Variants in TBCD observed in about 807,000 individuals in gnomAD.
TBCD encodes tubulin-specific chaperone D.
TBCD carries 105 observed loss-of-function variants against 169.3 expected under a neutral mutation model. The observed-to-expected ratio is 0.62, with a 90% confidence interval of 0.53 to 0.73. TBCD has a LOEUF of 0.73. Ranked by LOEUF, TBCD falls within the 30% of genes least tolerant of loss-of-function variation. The probability of loss-of-function intolerance (pLI) is 0.00; values close to 1 mark genes in which losing one functional copy is unlikely to be tolerated. For synonymous variants in TBCD, 700 were observed against 643.9 expected (o/e 1.09, Z -1.32); for missense variants, 1,444 against 1,600.1 (o/e 0.90, Z 1.66).
intron 7 of TBCD, among the ~76,000 whole-genome samples, chr17:82,792,415 C>T (rs553021281): frequency 6.6e-6 from 1 of 152,180 alleles, no homozygotes; most frequent in South Asian, 2.1e-4. Context: ...CTTTTATGGG[C>T]TCACTATCAA....
intron 6 of TBCD, among the ~76,000 whole-genome samples, chr17:82,773,218 TGCA>T (rs1274677251): frequency 6.6e-6 from 1 of 152,246 alleles, no homozygotes; most frequent in Non-Finnish European, 1.5e-5. Flanking sequence ...CAGTGCCTCA[TGCA>T]GCGTCACCTT....
intron 4 of TBCD, 62 bp downstream of exon 4, chr17:82,766,430 G>T (rs1200671737): frequency 1.7e-6 from 2 of 1,189,536 alleles, no homozygotes; most frequent in Non-Finnish European, 2.5e-6. Context: ...CTCCCTGCTT[G>T]CCCCACCCTG....
chr17:82,900,311 T>C (rs763077537), intron 17 of TBCD, among the ~76,000 whole-genome samples: 2 of 152,228 alleles, frequency 1.3e-5, no homozygotes, highest in African/African-American at 4.8e-5. Flanking sequence ...TTTGTCAGTC[T>C]TCTTTGGCTT....
At chr17:82,901,141 C>T (rs1567993961) in intron 18 of TBCD, among the ~76,000 whole-genome samples, 1 of 152,210 alleles carries the variant, frequency 6.6e-6, no homozygotes, top group Non-Finnish European at 1.5e-5. Flanking sequence ...TTCTTAGTGG[C>T]CGTTTTCATC....
At chr17:82,820,150 T>A (rs1361084007) in intron 13 of TBCD, among the ~76,000 whole-genome samples, 7 of 151,874 alleles carry the variant, frequency 4.6e-5, no homozygotes, top group Non-Finnish European at 8.8e-5. Context: ...GCCAATTTTT[T>A]TATTTTTAGT....
rs1381925392 is a variant in TBCD at position 82,935,922 on chromosome 17, C to T, written c.3192-1349C>T. 4.6e-5 allele frequency among the ~76,000 whole-genome samples: 7 copies of T among 152,244 alleles called. No homozygotes were observed. In the East Asian group the frequency reaches 1.3e-3, roughly 29 times the overall value. On this transcript the variant is annotated intron_variant, in intron 34 of 38. Transcript: ENST00000355528. ...TCGAGTGGGGTCTGCTGCGGTGAAG[C>T]TTTCCCATTTTATGTGCAGATTATT... is the stretch of plus-strand genomic sequence containing the variant.
intron 17 of TBCD, among the ~76,000 whole-genome samples, chr17:82,899,107 C>T (rs1028498303): frequency 6.6e-5 from 10 of 152,226 alleles, no homozygotes; most frequent in Admixed American, 5.9e-4. Context: ...TGGGGACCGT[C>T]CGCAGCGCGT....
At chr17:82,938,236 A>C in intron 36 of TBCD, 100 bp downstream of exon 36, 1 of 1,368,118 alleles carries the variant, frequency 7.3e-7, no homozygotes, top group Non-Finnish European at 1.0e-6. Flanking sequence ...TGTGCTTTCC[A>C]GCCGAGCCCC....
At chr17:82,907,719 C>G in intron 20 of TBCD, 42 bp from the exon 21 acceptor site, 1 of 1,610,848 alleles carries the variant, frequency 6.2e-7, no homozygotes, top group Non-Finnish European at 8.5e-7. Context: ...GGGTTAGGGT[C>G]TTGGGGAGTG....
rs764530038 is a variant in TBCD, at chr17:82,907,773, C to T, written c.1935C>T (p.Asp645=). ...TGAACTTCTGCAGGCCCGTCACGGA[C>T]CATCTGGACGAGCAGGCAGTGCAGG... ...LAAQENRPVT[D]HLDEQAVQGL... Residue 645 remains aspartate, a synonymous_variant, in exon 21 of 39, where the codon GAC becomes GAT. Coordinates refer to ENST00000355528, the MANE Select transcript of TBCD (RefSeq NM_005993.5). The T allele has an allele frequency of 6.2e-7, 1 of 1,613,768 alleles. No homozygotes were observed. The highest frequency in any genetic ancestry group is 8.5e-7 in the Non-Finnish European group (1 of 1,179,820).
chr17:82,820,286 T>C (rs2052307413), intron 13 of TBCD, among the ~76,000 whole-genome samples: 1 of 152,248 alleles, frequency 6.6e-6, no homozygotes, highest in Non-Finnish European at 1.5e-5. Flanking sequence ...CCAACTGTAC[T>C]ATTTTGATAA....
intron 13 of TBCD, among the ~76,000 whole-genome samples, chr17:82,838,173 A>G (rs991738595): frequency 4.6e-5 from 7 of 152,174 alleles, no homozygotes; most frequent in Non-Finnish European, 8.8e-5. Flanking sequence ...TCGGTTGGCC[A>G]TGGGGTTGTG....
intron 14 of TBCD, among the ~76,000 whole-genome samples, chr17:82,870,711 G>A (rs937640782): frequency 1.3e-5 from 2 of 152,262 alleles, no homozygotes; most frequent in Non-Finnish European, 2.9e-5. Context: ...ATTCTTGGGC[G>A]CAGGTGATCG....
chr17:82,894,957 A>G (rs2059381816), intron 17 of TBCD, among the ~76,000 whole-genome samples: 1 of 152,232 alleles, frequency 6.6e-6, no homozygotes, highest in Non-Finnish European at 1.5e-5. Context: ...AGCCTGGGTG[A>G]CAGAGTGAGA....
At chr17:82,860,781 G>A (rs1456627900) in intron 13 of TBCD, among the ~76,000 whole-genome samples, 2 of 152,226 alleles carry the variant, frequency 1.3e-5, no homozygotes, top group Admixed American at 1.3e-4. Flanking sequence ...TCCGGGCTGT[G>A]TAAGAAGCAT....
Position 82,810,789 on chromosome 17 carries a change from T to G in TBCD, c.1223+1007T>G, listed in dbSNP as rs1007617551. Among the ~76,000 whole-genome samples, 13 of 152,326 alleles carry G rather than the reference T, an allele frequency of 8.5e-5. No individual in the cohort carries two copies. In the East Asian group the frequency reaches 2.3e-3, roughly 27 times the overall value. On this transcript the variant is annotated intron_variant, in intron 12 of 38. Coordinates refer to ENST00000355528, the MANE Select transcript of TBCD (RefSeq NM_005993.5). ...AGCCTGGACACCGTGGCGAAAGCTG[T>G]GCTGTCAGCACTTTGGAGGCTCCAG...
At chr17:82,803,022 G>T (rs1382820821) in intron 9 of TBCD, among the ~76,000 whole-genome samples, 1 of 152,148 alleles carries the variant, frequency 6.6e-6, no homozygotes. Context: ...CTTTCTCTAC[G>T]TTTCCTGTAT....
At chr17:82,929,833 G>T in intron 32 of TBCD, 1 of 474,710 alleles carries the variant, frequency 2.1e-6, no homozygotes, top group Non-Finnish European at 3.9e-6. Flanking sequence ...GGCTCCATCA[G>T]GTTCTAGATC....
At chr17:82,847,660 CAG>C (rs536517199) in intron 13 of TBCD, among the ~76,000 whole-genome samples, 223 of 152,276 alleles carry the variant, frequency 1.5e-3, no homozygotes, top group Non-Finnish European at 2.4e-3. Context: ...CTTTTTGAGA[CAG>C]AGTCTTGCTC....
Sources: gnomAD v4.1 joint callset for allele counts (sites outside exome capture counted in the v4.1 genomes callset) on GRCh38, gnomAD v4.1.1 for gene constraint, MANE v1.5 for transcripts, NCBI Gene and HGNC (gene_info 2026-07-23, HGNC 2026-07-21) for gene names.